Variants in CNTN5 observed in about 807,000 individuals in gnomAD.
The protein encoded by CNTN5 is contactin-5.
CNTN5 carries 77 observed loss-of-function variants against 129.1 expected under a neutral mutation model. That is an observed-to-expected ratio of 0.60 (90% CI 0.50 to 0.72). The LOEUF is 0.72. CNTN5 is among the 30% of genes least tolerant of loss of function. CNTN5 has a pLI of 0.00. For missense variants in CNTN5, 1,478 were observed against 1,328.8 expected (o/e 1.11, Z -1.75); for synonymous variants, 509 against 465.6 (o/e 1.09, Z -1.20).
chr11:100,317,439 C>A (rs1951592795), intron 21 of CNTN5, among the ~76,000 whole-genome samples: 1 of 152,102 alleles, frequency 6.6e-6, no homozygotes, highest in Non-Finnish European at 1.5e-5. Context: ...GCCTCTTTGG[C>A]TTTTTATTAA....
intron 13 of CNTN5, among the ~76,000 whole-genome samples, chr11:100,085,486 A>G (rs1052710163): frequency 6.6e-6 from 1 of 152,082 alleles, no homozygotes; most frequent in African/African-American, 2.4e-5. Context: ...TATACTGTAT[A>G]TAAGACACTA....
At chr11:99,688,617 CT>C (rs1202302152) in intron 3 of CNTN5, among the ~76,000 whole-genome samples, 1 of 152,016 alleles carries the variant, frequency 6.6e-6, no homozygotes, top group Non-Finnish European at 1.5e-5. Flanking sequence ...TTGTCTTCAT[CT>C]TTTAAGTCCA....
intron 2 of CNTN5, among the ~76,000 whole-genome samples, chr11:99,440,746 A>G (rs999959870): frequency 7.2e-5 from 11 of 152,288 alleles, no homozygotes; most frequent in African/African-American, 2.6e-4. Context: ...AAGGGGAAGC[A>G]TTATGAAGGA....
At chr11:100,116,384 G>T (rs573736026) in intron 13 of CNTN5, among the ~76,000 whole-genome samples, 2 of 151,900 alleles carry the variant, frequency 1.3e-5, no homozygotes, top group Admixed American at 1.3e-4. Context: ...AAAACAACCT[G>T]TAGAGCATGG....
chr11:99,352,623 C>T (rs983659889), intron 2 of CNTN5, among the ~76,000 whole-genome samples: 6 of 152,142 alleles, frequency 3.9e-5, no homozygotes, highest in Non-Finnish European at 7.4e-5. Context: ...CCCAGTCTTC[C>T]TTACTTTCCA....
chr11:100,146,492 C>T (rs548624192), intron 13 of CNTN5, among the ~76,000 whole-genome samples: 6 of 151,994 alleles, frequency 3.9e-5, no homozygotes, highest in Admixed American at 6.6e-5. Context: ...ACAGAAACAG[C>T]CTGTTAGCTT....
intron 3 of CNTN5, among the ~76,000 whole-genome samples, chr11:99,562,552 T>C (rs1160708892): frequency 6.6e-6 from 1 of 152,110 alleles, no homozygotes; most frequent in Non-Finnish European, 1.5e-5. Flanking sequence ...GAGATGTTAA[T>C]AGGAAAAACT....
At chr11:99,201,351 T>TTTCCCTTCCTTCCTTCCTTCCTTCC (rs1859183940) in intron 1 of CNTN5, among the ~76,000 whole-genome samples, 2 of 88,154 alleles carry the variant, frequency 2.3e-5, no homozygotes, top group Non-Finnish European at 4.3e-5. Flanking sequence ...CTTCCTTTCC[T>TTTCCCTTCCTTCCTTCCTTCCTTCC]TTCCTTCCTT....
chr11:99,602,660 A>G (rs555316663), intron 3 of CNTN5, among the ~76,000 whole-genome samples: 2 of 151,994 alleles, frequency 1.3e-5, no homozygotes, highest in South Asian at 4.1e-4. Context: ...TGTAAAAAAA[A>G]AAAAATGTAT....
chr11:99,525,536 T>C (rs570010579), intron 2 of CNTN5, among the ~76,000 whole-genome samples: 1 of 152,326 alleles, frequency 6.6e-6, no homozygotes, highest in South Asian at 2.1e-4. Context: ...GTTAGGATGA[T>C]CTGGGGTAAT....
At chr11:99,796,797 T>C (rs774019649) in intron 3 of CNTN5, among the ~76,000 whole-genome samples, 1 of 152,084 alleles carries the variant, frequency 6.6e-6, no homozygotes, top group Non-Finnish European at 1.5e-5. Context: ...CAGACACTCC[T>C]GTGCCAAATC....
intron 13 of CNTN5, among the ~76,000 whole-genome samples, chr11:100,147,423 C>A (rs556536824): frequency 8.2e-4 from 124 of 152,140 alleles, no homozygotes; most frequent in African/African-American, 2.8e-3. Flanking sequence ...CTTCTCATGT[C>A]TCATGGTATC....
At chr11:99,797,396 G>A (rs1057043702) in intron 3 of CNTN5, among the ~76,000 whole-genome samples, 4 of 152,208 alleles carry the variant, frequency 2.6e-5, no homozygotes, top group African/African-American at 9.6e-5. Context: ...CCTTTACACT[G>A]CAGCCTTGCC....
intron 3 of CNTN5, among the ~76,000 whole-genome samples, chr11:99,651,938 G>C (rs1330739620): frequency 6.6e-6 from 1 of 152,000 alleles, no homozygotes; most frequent in Non-Finnish European, 1.5e-5. Flanking sequence ...GAAATTTACT[G>C]ACTACATTAG....
intron 3 of CNTN5, among the ~76,000 whole-genome samples, chr11:99,819,293 T>C (rs1319551551): frequency 8.3e-4 from 27 of 32,392 alleles, no homozygotes; most frequent in South Asian, 2.3e-3. Context: ...CCCTCTCCTC[T>C]CCTCCCCTTC....
At chr11:99,625,276 G>A (rs1264059925) in intron 3 of CNTN5, among the ~76,000 whole-genome samples, 2 of 152,116 alleles carry the variant, frequency 1.3e-5, no homozygotes, top group Non-Finnish European at 2.9e-5. Flanking sequence ...GCAGGTGGGT[G>A]CTATGAGTGA....
At chr11:99,166,652 A>G (rs560193685) in intron 1 of CNTN5, among the ~76,000 whole-genome samples, 1 of 152,180 alleles carries the variant, frequency 6.6e-6, no homozygotes, top group South Asian at 2.1e-4. Context: ...ATCAACTTAC[A>G]CTGTCATAAC....
intron 13 of CNTN5, among the ~76,000 whole-genome samples, chr11:100,075,564 A>G (rs1028903899): frequency 1.3e-5 from 2 of 151,680 alleles, no homozygotes; most frequent in Admixed American, 6.6e-5. Context: ...TAGAAATATG[A>G]TTGGACAAAA....
chr11:99,537,062 A>G (rs536845767), intron 2 of CNTN5, among the ~76,000 whole-genome samples: 2 of 152,272 alleles, frequency 1.3e-5, no homozygotes, highest in East Asian at 1.9e-4. Context: ...CTCAATAGCC[A>G]TATGTGGTTA....
Sources: gnomAD v4.1 joint callset for allele counts (sites outside exome capture counted in the v4.1 genomes callset) on GRCh38, gnomAD v4.1.1 for gene constraint, MANE v1.5 for transcripts, NCBI Gene and HGNC (gene_info 2026-07-23, HGNC 2026-07-21) for gene names.